SAMD3: variants seen among roughly 807,000 people sequenced by gnomAD.
The protein encoded by SAMD3 is sterile alpha motif domain containing 3, also known as sterile alpha motif domain-containing protein 3.
Under a neutral mutation model 58.5 loss-of-function variants are expected in SAMD3, and 63 were observed. The ratio of observed to expected loss-of-function variants is 1.08; its 90% CI spans 0.88 to 1.33. The LOEUF (loss-of-function observed/expected upper bound fraction) is 1.33, where lower values mean the gene tolerates loss of function less well. SAMD3 is among the 40% of genes most tolerant of loss of function. The pLI is 0.00. For missense variants in SAMD3, 604 were observed against 608.4 expected (o/e 0.99, Z 0.08); for synonymous variants, 220 against 210.3 (o/e 1.05, Z -0.40).
At chr6:130,249,993 A>T (rs1773685886) in intron 2 of SAMD3, among the ~76,000 whole-genome samples, 1 of 152,150 alleles carries the variant, frequency 6.6e-6, no homozygotes, top group African/African-American at 2.4e-5. Flanking sequence ...AACCCTGATC[A>T]ATCACAGAGT....
At chr6:130,174,606 A>G (rs993014528) in intron 8 of SAMD3, among the ~76,000 whole-genome samples, 2 of 152,202 alleles carry the variant, frequency 1.3e-5, no homozygotes, top group East Asian at 3.9e-4. Flanking sequence ...AGCTGTTCCT[A>G]TTCGGCCATC....
intron 8 of SAMD3, chr6:130,159,689 C>A (rs1441172611): frequency 6.6e-6 from 1 of 151,710 alleles, no homozygotes; most frequent in Non-Finnish European, 1.5e-5. Context: ...CAAAAGACAC[C>A]AGAAAGAAAT....
chr6:130,162,206 C>T (rs1790339993), intron 8 of SAMD3: 1 of 699,300 alleles, frequency 1.4e-6, no homozygotes, highest in Non-Finnish European at 2.6e-6. Context: ...ACCACAGTAA[C>T]CTAAGCTCTC....
chr6:130,232,611 A>T (rs1393815116), intron 2 of SAMD3, among the ~76,000 whole-genome samples: 1 of 152,184 alleles, frequency 6.6e-6, no homozygotes, highest in Non-Finnish European at 1.5e-5. Context: ...AATAAGGTCT[A>T]CATGTTGGTT....
At chr6:130,237,674 C>T (rs542852878) in intron 2 of SAMD3, among the ~76,000 whole-genome samples, 1 of 152,084 alleles carries the variant, frequency 6.6e-6, no homozygotes, top group Non-Finnish European at 1.5e-5. Context: ...TTATTGTATA[C>T]ACAAGGAGAG....
chr6:130,223,133 T>TG (rs1796284119), upstream of SAMD3, among the ~76,000 whole-genome samples: 1 of 152,208 alleles, frequency 6.6e-6, no homozygotes, highest in Admixed American at 6.5e-5. Flanking sequence ...AGTTACCTTT[T>TG]TTAAGCTCCT....
upstream of SAMD3, among the ~76,000 whole-genome samples, chr6:130,223,979 A>G (rs1796311046): frequency 6.6e-6 from 1 of 152,180 alleles, no homozygotes; most frequent in Admixed American, 6.5e-5. Context: ...ATTGAATCAC[A>G]TGTAGGCTTG....
At chr6:130,326,068 T>C (rs1776749569) in intron 1 of SAMD3, among the ~76,000 whole-genome samples, 1 of 152,236 alleles carries the variant, frequency 6.6e-6, no homozygotes, top group Non-Finnish European at 1.5e-5. Context: ...GTCAGAGGAA[T>C]GAATAAATGA....
intron 2 of SAMD3, among the ~76,000 whole-genome samples, chr6:130,286,498 C>A (rs554427496): frequency 6.6e-6 from 1 of 152,116 alleles, no homozygotes; most frequent in African/African-American, 2.4e-5. Flanking sequence ...CCTTCATGTG[C>A]TTTTAACATA....
rs543680122 is a variant in SAMD3 at position 130,336,759 on chromosome 6, C to A, written c.-303-23666G>T. ...GGGTAGCACTTCTTTGTACCTATGC[C>A]AAAATCTGAAGGTGTAATTCACTCT... On this transcript the variant is annotated intron_variant, in intron 1 of 13. Coordinates refer to the SAMD3 transcript ENST00000368134. 2.3e-3 allele frequency among the ~76,000 whole-genome samples: 356 copies of A among 152,268 alleles called. 6 individuals are homozygous for A. The highest frequency in any genetic ancestry group is 0.01 in the Middle Eastern group (3 of 294).
At chr6:130,178,960 C>T (rs932419641) in intron 7 of SAMD3, among the ~76,000 whole-genome samples, 9 of 152,118 alleles carry the variant, frequency 5.9e-5, no homozygotes, top group Non-Finnish European at 8.8e-5. Flanking sequence ...GCTGTTTTAC[C>T]ACAGAACAGA....
intron 8 of SAMD3, among the ~76,000 whole-genome samples, chr6:130,169,876 T>A (rs1486901182): frequency 6.6e-6 from 1 of 152,156 alleles, no homozygotes; most frequent in Non-Finnish European, 1.5e-5. Context: ...GGACAATTGA[T>A]TTTACCATTC....
At chr6:130,364,913 C>G (rs150020901) in intron 1 of SAMD3, among the ~76,000 whole-genome samples, 12 of 121,202 alleles carry the variant, frequency 9.9e-5, no homozygotes, top group African/African-American at 3.4e-4. Flanking sequence ...TTATACCCCC[C>G]CAGAAGCAAA....
At chr6:130,311,695 G>T (rs1184090053) in intron 2 of SAMD3, among the ~76,000 whole-genome samples, 4 of 152,162 alleles carry the variant, frequency 2.6e-5, no homozygotes, top group Non-Finnish European at 5.9e-5. Flanking sequence ...CCAGGGCAAA[G>T]GATATAAGAG....
intron 2 of SAMD3, among the ~76,000 whole-genome samples, chr6:130,293,603 C>G (rs762849608): frequency 7.1e-6 from 1 of 141,326 alleles, no homozygotes; most frequent in Non-Finnish European, 1.6e-5. Context: ...TAAGAATAGC[C>G]CCAGTGATGC....
chr6:130,320,002 A>T (rs1046341299), intron 1 of SAMD3, among the ~76,000 whole-genome samples: 3 of 152,052 alleles, frequency 2.0e-5, no homozygotes, highest in African/African-American at 4.8e-5. Context: ...ACACACACAC[A>T]TGCACACACA....
chr6:130,223,181 A>G (rs1243223969), upstream of SAMD3, among the ~76,000 whole-genome samples: 2 of 152,240 alleles, frequency 1.3e-5, no homozygotes, highest in Non-Finnish European at 2.9e-5. Flanking sequence ...AATTTCCTAT[A>G]TCAATCTTAA....
At chr6:130,274,950 T>C (rs1278816367) in intron 2 of SAMD3, among the ~76,000 whole-genome samples, 1 of 152,186 alleles carries the variant, frequency 6.6e-6, no homozygotes, top group Non-Finnish European at 1.5e-5. Flanking sequence ...TTAGTCCTTT[T>C]TTTGGACCCT....
chr6:130,208,866 A>G (rs1260953630), intron 5 of SAMD3, among the ~76,000 whole-genome samples: 1 of 152,202 alleles, frequency 6.6e-6, no homozygotes, highest in Admixed American at 6.5e-5. Flanking sequence ...CCATGGTGTC[A>G]AAAAGGTTGG....
Sources: allele counts gnomAD v4.1 joint callset (sites outside exome capture counted in the v4.1 genomes callset), GRCh38; gene constraint gnomAD v4.1.1; transcripts MANE v1.5; gene names NCBI Gene and HGNC (gene_info 2026-07-23, HGNC 2026-07-21).